The following CFAP20DC variants were observed in gnomAD, a reference collection of about 807,000 sequenced individuals.
CFAP20DC encodes protein CFAP20DC.
In CFAP20DC, 84 loss-of-function variants were observed where a neutral mutation model predicts 101.7. That is an observed-to-expected ratio of 0.83 (90% CI 0.69 to 0.99). The LOEUF is 0.99. Among genes scored for constraint, CFAP20DC ranks in the 50% least tolerant of loss-of-function variants. The probability of loss-of-function intolerance (pLI) is 0.00; values close to 1 mark genes in which losing one functional copy is unlikely to be tolerated. For missense variants in CFAP20DC, 1,007 were observed against 970.3 expected (o/e 1.04, Z -0.50); for synonymous variants, 359 against 351.2 (o/e 1.02, Z -0.25).
At chr3:58,856,497 C>T (rs1232213666) in intron 12 of CFAP20DC, among the ~76,000 whole-genome samples, 1 of 152,140 alleles carries the variant, frequency 6.6e-6, no homozygotes, top group Admixed American at 6.5e-5. Flanking sequence ...ACTGGGCAAC[C>T]CTCTCTGCTG....
At chr3:58,806,575 G>C (rs1025522208) in intron 14 of CFAP20DC, 119 bp from the exon 15 acceptor site, 2 of 756,760 alleles carry the variant, frequency 2.6e-6, no homozygotes, top group Non-Finnish European at 4.7e-6. Flanking sequence ...GAAGGGTATG[G>C]GTGGGAGGGC....
At chr3:58,723,589 T>G (rs1466387953) in intron 3 of CFAP20DC, among the ~76,000 whole-genome samples, 1 of 152,248 alleles carries the variant, frequency 6.6e-6, no homozygotes, top group East Asian at 1.9e-4. Context: ...ATTTATTATA[T>G]GATTCTCTTT....
chr3:58,779,416 A>G (rs2071623280), intron 15 of CFAP20DC, among the ~76,000 whole-genome samples: 1 of 152,154 alleles, frequency 6.6e-6, no homozygotes. Flanking sequence ...AAGAAGACAA[A>G]CAAGGTCACT....
intron 13 of CFAP20DC, 88 bp downstream of exon 13, chr3:58,848,944 A>G: frequency 6.4e-6 from 9 of 1,407,392 alleles, no homozygotes; most frequent in South Asian, 6.0e-5. Context: ...ATGATGAAAA[A>G]GAGATACTGC....
At chr3:58,840,043 T>C (rs1200811158) in intron 13 of CFAP20DC, among the ~76,000 whole-genome samples, 1 of 152,166 alleles carries the variant, frequency 6.6e-6, no homozygotes. Flanking sequence ...TGAAAAATAT[T>C]TAAAAAGAGA....
At chr3:58,855,272 C>G (rs956198475) in intron 12 of CFAP20DC, among the ~76,000 whole-genome samples, 3 of 152,272 alleles carry the variant, frequency 2.0e-5, no homozygotes, top group African/African-American at 7.2e-5. Context: ...AAATGCAACT[C>G]AGAACCACAA....
chr3:58,920,928 T>G (rs1338858898), intron 5 of CFAP20DC, among the ~76,000 whole-genome samples: 2 of 152,190 alleles, frequency 1.3e-5, no homozygotes, highest in African/African-American at 4.8e-5. Context: ...TTTTATTTTT[T>G]GGAATGTTTT....
intron 4 of CFAP20DC, among the ~76,000 whole-genome samples, chr3:58,943,008 C>A (rs2088843178): frequency 6.6e-6 from 1 of 152,208 alleles, no homozygotes; most frequent in African/African-American, 2.4e-5. Flanking sequence ...GCCGCTGTAG[C>A]CAGACTGCTT....
At chr3:58,743,617 T>C (rs947647362) in intron 16 of CFAP20DC, among the ~76,000 whole-genome samples, 4 of 152,174 alleles carry the variant, frequency 2.6e-5, no homozygotes, top group African/African-American at 9.7e-5. Context: ...ATGGTGGGTA[T>C]GGTGCAGGGC....
At chr3:58,951,006 A>G (rs538979244) in intron 4 of CFAP20DC, among the ~76,000 whole-genome samples, 13 of 152,228 alleles carry the variant, frequency 8.5e-5, no homozygotes, top group African/African-American at 3.1e-4. Context: ...TTTGCAATCT[A>G]CTCATCTGAC....
intron 15 of CFAP20DC, among the ~76,000 whole-genome samples, chr3:58,801,738 G>A (rs1308196389): frequency 6.6e-6 from 1 of 152,192 alleles, no homozygotes; most frequent in African/African-American, 2.4e-5. Flanking sequence ...ACTGAGGTCA[G>A]TGGTTATTAA....
rs922893549 is a variant in CFAP20DC at position 58,719,339 on chromosome 3, C to A, written c.198-1711G>T. Among the ~76,000 whole-genome samples the A allele has an allele frequency of 2.0e-5, 3 of 152,292 alleles. No individual in the cohort carries two copies. In the East Asian group the frequency reaches 5.8e-4, roughly 29 times the overall value. The stretch of plus-strand genomic sequence containing the variant: ...CTGAGTGAGTAGCGTTCTAGTTAAT[C>A]GAGGTCTTACTACATACACTGTCAA... On this transcript the variant is annotated intron_variant, in intron 3 of 3. Coordinates refer to the CFAP20DC transcript ENST00000486145.
At chr3:58,910,892 G>A (rs2084084108) in intron 6 of CFAP20DC, among the ~76,000 whole-genome samples, 1 of 151,522 alleles carries the variant, frequency 6.6e-6, no homozygotes, top group Non-Finnish European at 1.5e-5. Context: ...AAACTTATCA[G>A]GCATACCAAG....
In CFAP20DC at chr3:58,863,144, G is replaced by A; in HGVS notation, c.1593+414C>T. On this transcript the variant is annotated intron_variant, in intron 12 of 16. Coordinates refer to ENST00000482387, the MANE Select transcript of CFAP20DC (RefSeq NM_001394063.1). This position sits in a 1 kb window ranked among gnomAD's most constrained non-coding sequence, Gnocchi z 5.9. ...TAGGTCTAAGGTGAAAAGATGGCAG[G>A]GGAGTAAGGAAGCCAGAAAACCATC... 9.4e-7 allele frequency: 1 copy of A among 1,062,910 alleles called. No individual in the cohort carries two copies. The highest frequency in any genetic ancestry group is 1.1e-6 in the Non-Finnish European group (1 of 881,416). The allele number at this position is 1,062,910 out of a possible 1,614,324, so 65.8% of individuals were successfully genotyped here.
chr3:58,870,258 T>A lies in CFAP20DC; in HGVS notation c.767A>T (p.Asp256Val), dbSNP rs1208206430. The A allele has an allele frequency of 6.2e-7, 1 of 1,613,854 alleles. No homozygotes were observed. Among genetic ancestry groups the A allele is most frequent in the Non-Finnish European group, 8.5e-7 (1 of 1,179,882 alleles). ...GGATCCAAATGCGATATGACAAACA[T>A]CTTGATTTTTACTGTTCCGTGTAAT... ...TSITRNSKNQ[D>V]VCHIAFGSKV... The change falls in exon 8 of 17, where the codon GAT becomes GTT. Residue 256 changes from aspartate (D) to valine (V), a missense_variant. Transcript: ENST00000482387.
chr3:59,001,092 G>C lies in CFAP20DC; in HGVS notation c.278+38465C>G, dbSNP rs1468466946. 6.6e-6 allele frequency among the ~76,000 whole-genome samples: 1 copy of C among 152,136 alleles called. No homozygotes were observed. The highest frequency in any genetic ancestry group is 2.4e-5 in the African/African-American group (1 of 41,420). On this transcript the variant is annotated intron_variant, in intron 4 of 16. Coordinates refer to ENST00000482387, the MANE Select transcript of CFAP20DC (RefSeq NM_001394063.1). This position sits in a 1 kb window ranked among gnomAD's most constrained non-coding sequence, Gnocchi z 4.5. ...GTGCATATTGGAATTACAGCAGTAA[G>C]AGTTAGTAAAGAGAGCAAATTCAAA...
intron 11 of CFAP20DC, among the ~76,000 whole-genome samples, chr3:58,865,819 A>C (rs2079642080): frequency 6.6e-6 from 1 of 152,218 alleles, no homozygotes; most frequent in East Asian, 1.9e-4. Flanking sequence ...ACTGTCAAAA[A>C]GTCAAAGTAA....
chr3:58,785,456 A>G (rs2072246425), intron 15 of CFAP20DC, among the ~76,000 whole-genome samples: 1 of 152,134 alleles, frequency 6.6e-6, no homozygotes, highest in African/African-American at 2.4e-5. Flanking sequence ...ACACACAGAA[A>G]TGATAAATAT....
At chr3:58,895,306 G>A (rs1386094250) in intron 6 of CFAP20DC, among the ~76,000 whole-genome samples, 2 of 152,154 alleles carry the variant, frequency 1.3e-5, no homozygotes, top group Admixed American at 6.6e-5. Flanking sequence ...AAAACTGAAT[G>A]CCTTTAACAG....
Sources: allele counts gnomAD v4.1 joint callset (sites outside exome capture counted in the v4.1 genomes callset), GRCh38; gene constraint gnomAD v4.1.1; non-coding constraint Gnocchi (gnomAD v3.1); transcripts MANE v1.5; gene names NCBI Gene and HGNC (gene_info 2026-07-23, HGNC 2026-07-21).